Variants in PTPRD observed in about 807,000 individuals in gnomAD.
The protein encoded by PTPRD is receptor-type tyrosine-protein phosphatase delta.
Under a neutral mutation model 214.5 loss-of-function variants are expected in PTPRD, and 34 were observed. That is an observed-to-expected ratio of 0.16 (90% CI 0.12 to 0.21). PTPRD has a LOEUF of 0.21. Among genes scored for constraint, PTPRD ranks in the 10% least tolerant of loss-of-function variants. The probability of loss-of-function intolerance (pLI) is 1.00; values close to 1 mark genes in which losing one functional copy is unlikely to be tolerated. For synonymous variants in PTPRD, 1,128 were observed against 845.7 expected (o/e 1.33, Z -5.79); for missense variants, 2,545 against 2,398.7 (o/e 1.06, Z -1.27).
chr9:10,304,378 C>A (rs2095981753), intron 3 of PTPRD, among the ~76,000 whole-genome samples: 1 of 152,156 alleles, frequency 6.6e-6, no homozygotes, highest in Non-Finnish European at 1.5e-5. Context: ...TCTCTCTCCA[C>A]TCCTATTCAA....
chr9:9,348,356 A>G lies in PTPRD; in HGVS notation c.-203+49093T>C, dbSNP rs548115703. ...AAAACAAATGTCTTGGCTTTCCTCC[A>G]ACATTTATTTTCAATAAATGCCTAC... is the stretch of plus-strand genomic sequence containing the variant. On this transcript the variant is annotated intron_variant, in intron 9 of 45. Transcript: ENST00000381196. Among the ~76,000 whole-genome samples the G allele has an allele frequency of 1.4e-3, 215 of 152,228 alleles. 3 individuals carry two copies. The highest frequency in any genetic ancestry group is 9.2e-4 in the Admixed American group (14 of 15,260).
chr9:8,469,386 C>CT (rs941814780), intron 31 of PTPRD, among the ~76,000 whole-genome samples: 26 of 151,966 alleles, frequency 1.7e-4, no homozygotes, highest in Non-Finnish European at 3.4e-4. Context: ...GCCTTAAAAA[C>CT]TTTTTTTTAA....
intron 3 of PTPRD, among the ~76,000 whole-genome samples, chr9:10,152,609 T>A (rs557998736): frequency 1.3e-5 from 2 of 152,104 alleles, no homozygotes; most frequent in Non-Finnish European, 2.9e-5. Context: ...GCGGATCACC[T>A]GAGGTCAGGA....
intron 3 of PTPRD, among the ~76,000 whole-genome samples, chr9:10,327,830 C>A (rs920664279): frequency 6.6e-6 from 1 of 151,686 alleles, no homozygotes; most frequent in Non-Finnish European, 1.5e-5. Flanking sequence ...GAGAAGGTCT[C>A]CTGTCAGGGC....
chr9:10,196,945 A>T (rs2099400742), intron 3 of PTPRD, among the ~76,000 whole-genome samples: 1 of 152,156 alleles, frequency 6.6e-6, no homozygotes, highest in African/African-American at 2.4e-5. Context: ...ATGGTCCTCT[A>T]TGAACAAAGA....
intron 12 of PTPRD, among the ~76,000 whole-genome samples, chr9:8,648,449 C>G (rs2096739634): frequency 6.6e-6 from 1 of 152,162 alleles, no homozygotes. Flanking sequence ...TTGAATCACT[C>G]ATAGACAAAA....
intron 2 of PTPRD, among the ~76,000 whole-genome samples, chr9:10,399,032 T>C (rs1249703420): frequency 6.6e-6 from 1 of 151,992 alleles, no homozygotes; most frequent in Non-Finnish European, 1.5e-5. Flanking sequence ...ATTTCTCTTC[T>C]GTAGGGTCTC....
intron 2 of PTPRD, among the ~76,000 whole-genome samples, chr9:10,348,245 C>G (rs748317060): frequency 1.7e-4 from 26 of 152,118 alleles, no homozygotes; most frequent in Non-Finnish European, 4.4e-5. Context: ...TAGGATTGGT[C>G]AGAGCTTCTA....
At chr9:9,805,661 T>C (rs1022562524) in intron 5 of PTPRD, among the ~76,000 whole-genome samples, 1 of 152,198 alleles carries the variant, frequency 6.6e-6, no homozygotes, top group African/African-American at 2.4e-5. Context: ...AGAAAAGCTA[T>C]TCTTCAGTGA....
intron 39 of PTPRD, among the ~76,000 whole-genome samples, 168 bp from the exon 40 acceptor site, chr9:8,342,146 C>A (rs1853033447): frequency 6.6e-6 from 1 of 151,914 alleles, no homozygotes; most frequent in South Asian, 2.1e-4. Flanking sequence ...ATTATCTAGG[C>A]ACCATAATCA....
At chr9:8,691,300 C>G (rs1012821018) in intron 12 of PTPRD, among the ~76,000 whole-genome samples, 1 of 151,956 alleles carries the variant, frequency 6.6e-6, no homozygotes, top group East Asian at 1.9e-4. Flanking sequence ...GTTTCTTCCT[C>G]TCCATCCTAC....
intron 5 of PTPRD, among the ~76,000 whole-genome samples, chr9:9,864,732 T>G (rs561841466): frequency 3.2e-4 from 49 of 152,198 alleles, no homozygotes; most frequent in African/African-American, 1.2e-3. Flanking sequence ...TTGCCTAGGC[T>G]TGAACTGCTG....
intron 9 of PTPRD, among the ~76,000 whole-genome samples, chr9:9,339,944 T>C (rs184414054): frequency 3.3e-5 from 5 of 152,312 alleles, no homozygotes; most frequent in Admixed American, 2.6e-4. Flanking sequence ...TAATCTATTT[T>C]GGAAGCCTTT....
intron 9 of PTPRD, among the ~76,000 whole-genome samples, chr9:9,389,345 T>C (rs1168777468): frequency 2.0e-5 from 3 of 152,042 alleles, no homozygotes; most frequent in Non-Finnish European, 4.4e-5. Context: ...ATCCCATCTC[T>C]ACTAAAAATA....
In PTPRD at chr9:10,196,990, C is replaced by T. The variant is rs74597273; in HGVS notation, c.-545+143973G>A. On this transcript the variant is annotated intron_variant, in intron 3 of 45. Coordinates refer to ENST00000381196, the MANE Select transcript of PTPRD (RefSeq NM_002839.4). ...TCATCGGAACCTGACCATGCTGGCA[C>T]GCTGATCTCAGATTTTCAGGCCCCA... 9.0e-3 allele frequency among the ~76,000 whole-genome samples: 1,376 copies of T among 152,202 alleles called. 15 individuals carry two copies. Among genetic ancestry groups the T allele is most frequent in the Non-Finnish European group, 0.013 (905 of 67,996 alleles).
intron 3 of PTPRD, among the ~76,000 whole-genome samples, chr9:10,244,285 C>G (rs2091687155): frequency 6.6e-6 from 1 of 152,048 alleles, no homozygotes; most frequent in African/African-American, 2.4e-5. Flanking sequence ...TCAATGCATC[C>G]TCATTAAATT....
intron 9 of PTPRD, among the ~76,000 whole-genome samples, chr9:9,245,202 G>T (rs796320652): frequency 1.1e-4 from 16 of 152,234 alleles, no homozygotes; most frequent in Admixed American, 5.2e-4. Context: ...CTGTAAACTA[G>T]TTTAACTATT....
chr9:9,071,924 T>C (rs2099744303), intron 10 of PTPRD, among the ~76,000 whole-genome samples: 1 of 152,198 alleles, frequency 6.6e-6, no homozygotes, highest in African/African-American at 2.4e-5. Context: ...TTTAACCTGT[T>C]TGTGTATAAC....
rs202131375 is a variant in PTPRD, at chr9:10,136,006, A to G, written c.-544-102216T>C. 2.0e-5 allele frequency among the ~76,000 whole-genome samples: 3 copies of G among 151,914 alleles called. 1 individual carries two copies. In the East Asian group the frequency reaches 5.8e-4, roughly 29 times the overall value. The stretch of plus-strand genomic sequence containing the variant: ...CAAGAGACCCACGTCATATGTAATG[A>G]CACCCACAGGCTGAAAGAAAAGAAA... On this transcript the variant is annotated intron_variant, in intron 3 of 45. Coordinates refer to ENST00000381196, the MANE Select transcript of PTPRD (RefSeq NM_002839.4).
Sources: gnomAD v4.1 joint callset for allele counts (sites outside exome capture counted in the v4.1 genomes callset) on GRCh38, gnomAD v4.1.1 for gene constraint, MANE v1.5 for transcripts, NCBI Gene and HGNC (gene_info 2026-07-23, HGNC 2026-07-21) for gene names.